The following CSMD3 variants were observed in gnomAD, a reference collection of about 807,000 sequenced individuals.
CSMD3 encodes CUB and sushi domain-containing protein 3.
Under a neutral mutation model 435.2 loss-of-function variants are expected in CSMD3, and 177 were observed. That is an observed-to-expected ratio of 0.41 (90% CI 0.36 to 0.46). The LOEUF is 0.46. CSMD3 is among the 20% of genes least tolerant of loss of function. The pLI is 0.34. For missense variants in CSMD3, 4,265 were observed against 4,504.6 expected, an observed-to-expected ratio of 0.95 and a Z score of 1.52; for synonymous variants, 1,656 against 1,520.5, an observed-to-expected ratio of 1.09 and a Z score of -2.07.
intron 3 of CSMD3, among the ~76,000 whole-genome samples, chr8:113,232,157 A>G (rs951372722): frequency 6.6e-6 from 1 of 151,578 alleles, no homozygotes; most frequent in African/African-American, 2.4e-5. Flanking sequence ...CCTTCCATGT[A>G]CTTTTCTCAG....
intron 67 of CSMD3, 71 bp downstream of exon 67, chr8:112,237,118 AC>A: frequency 6.8e-7 from 1 of 1,468,784 alleles, no homozygotes; most frequent in Non-Finnish European, 9.5e-7. Context: ...AAAAAGCATT[AC>A]TAAAAATGAT....
intron 13 of CSMD3, among the ~76,000 whole-genome samples, chr8:112,716,695 C>T (rs1201744224): frequency 6.6e-6 from 1 of 152,080 alleles, no homozygotes; most frequent in Non-Finnish European, 1.5e-5. Context: ...GCTACGATTA[C>T]CAAAACAGCA....
At chr8:112,734,220 T>C (rs1347801193) in intron 13 of CSMD3, among the ~76,000 whole-genome samples, 2 of 150,684 alleles carry the variant, frequency 1.3e-5, no homozygotes, top group African/African-American at 4.9e-5. Flanking sequence ...GTGCCAACAG[T>C]TTTGAAAGAG....
intron 13 of CSMD3, among the ~76,000 whole-genome samples, chr8:112,750,188 T>G (rs1030765243): frequency 6.6e-6 from 1 of 151,924 alleles, no homozygotes; most frequent in East Asian, 1.9e-4. Context: ...AGAAAGGAAT[T>G]AGTAATTGTT....
chr8:112,409,150 A>T, intron 32 of CSMD3, 118 bp from the exon 33 acceptor site: 1 of 1,525,764 alleles, frequency 6.6e-7, no homozygotes, highest in Non-Finnish European at 8.8e-7. Context: ...TATAATAGTC[A>T]TTTTTTTTCT....
At chr8:113,053,179 A>T (rs2088172564) in intron 5 of CSMD3, among the ~76,000 whole-genome samples, 1 of 152,150 alleles carries the variant, frequency 6.6e-6, no homozygotes, top group African/African-American at 2.4e-5. Flanking sequence ...AAAAAAGAAC[A>T]TCAAAGCAAA....
At chr8:113,356,152 T>C (rs903862388) in intron 1 of CSMD3, among the ~76,000 whole-genome samples, 2 of 152,076 alleles carry the variant, frequency 1.3e-5, no homozygotes, top group Non-Finnish European at 1.5e-5. Flanking sequence ...AAAAAAACTA[T>C]AGAACTATTC....
At chr8:112,838,132 T>A (rs1181905793) in intron 11 of CSMD3, among the ~76,000 whole-genome samples, 1 of 151,654 alleles carries the variant, frequency 6.6e-6, no homozygotes, top group Non-Finnish European at 1.5e-5. Context: ...AGGAAAGGAT[T>A]CCCTGAGGTG....
intron 13 of CSMD3, among the ~76,000 whole-genome samples, chr8:112,717,306 CA>C (rs2076755524): frequency 6.6e-6 from 1 of 151,810 alleles, no homozygotes; most frequent in African/African-American, 2.4e-5. Flanking sequence ...GGCCAACAAA[CA>C]CACGACAAAA....
intron 3 of CSMD3, among the ~76,000 whole-genome samples, chr8:113,202,943 G>A (rs896346377): frequency 6.6e-6 from 1 of 152,060 alleles, no homozygotes; most frequent in Non-Finnish European, 1.5e-5. Context: ...AACAAACCTA[G>A]TATTTGGCAA....
intron 4 of CSMD3, among the ~76,000 whole-genome samples, chr8:113,170,049 G>T (rs1182201799): frequency 2.6e-5 from 4 of 152,074 alleles, no homozygotes; most frequent in Admixed American, 2.0e-4. Context: ...ACCATTGTTA[G>T]GAAGCATCAA....
At chr8:112,381,737 A>T (rs1829474361) in intron 37 of CSMD3, among the ~76,000 whole-genome samples, 1 of 152,150 alleles carries the variant, frequency 6.6e-6, no homozygotes. Flanking sequence ...TAAGTCTCTT[A>T]CAGGATGTTA....
chr8:113,220,144 G>A (rs2092950080), intron 3 of CSMD3, among the ~76,000 whole-genome samples: 1 of 151,370 alleles, frequency 6.6e-6, no homozygotes, highest in Admixed American at 6.6e-5. Context: ...TAGGAAACAG[G>A]CACTCTTACA....
chr8:113,104,380 C>T (rs929552944), intron 4 of CSMD3, among the ~76,000 whole-genome samples: 4 of 152,112 alleles, frequency 2.6e-5, no homozygotes, highest in African/African-American at 9.7e-5. Context: ...AGACAGGCAT[C>T]ACTGTTGTGT....
At chr8:112,989,574 G>C (rs1302635605) in intron 6 of CSMD3, among the ~76,000 whole-genome samples, 1 of 151,986 alleles carries the variant, frequency 6.6e-6, no homozygotes, top group Non-Finnish European at 1.5e-5. Context: ...GAATATGTTT[G>C]TACTATGTTG....
At chr8:112,492,440 T>G in intron 31 of CSMD3, 49 bp downstream of exon 31, 1 of 1,432,566 alleles carries the variant, frequency 7.0e-7, no homozygotes, top group Middle Eastern at 1.7e-4. Flanking sequence ...TTAAATATTT[T>G]TTGATTTTTT....
intron 4 of CSMD3, among the ~76,000 whole-genome samples, chr8:113,152,431 G>A (rs1335383134): frequency 6.6e-6 from 1 of 152,030 alleles, no homozygotes; most frequent in Admixed American, 6.6e-5. Flanking sequence ...AGACAACTCA[G>A]TATACACATA....
At chr8:113,163,175 C>T (rs1365919721) in intron 4 of CSMD3, among the ~76,000 whole-genome samples, 2 of 151,978 alleles carry the variant, frequency 1.3e-5, no homozygotes, top group Non-Finnish European at 2.9e-5. Context: ...ACATTTCAGC[C>T]ATCGGATGCT....
chr8:112,735,947 A>C (rs1363317998), intron 13 of CSMD3, among the ~76,000 whole-genome samples: 1 of 152,036 alleles, frequency 6.6e-6, no homozygotes, highest in African/African-American at 2.4e-5. Flanking sequence ...TTTTAATTAT[A>C]CATCTCAAGA....
Sources: gnomAD v4.1 joint callset for allele counts (sites outside exome capture counted in the v4.1 genomes callset) on GRCh38, gnomAD v4.1.1 for gene constraint, MANE v1.5 for transcripts, NCBI Gene and HGNC (gene_info 2026-07-23, HGNC 2026-07-21) for gene names.